Variants in PCDH17 observed in about 807,000 individuals in gnomAD.
PCDH17 encodes protocadherin-17.
A neutral mutation model predicts 67.7 loss-of-function variants in PCDH17; 21 were observed. That is an observed-to-expected ratio of 0.31 (90% CI 0.22 to 0.45). PCDH17 has a LOEUF of 0.45. PCDH17 is among the 20% of genes least tolerant of loss of function. The pLI, the probability that PCDH17 is intolerant of heterozygous loss-of-function variation, is 1.00. For missense variants in PCDH17, 1,471 were observed against 1,564.8 expected (o/e 0.94, Z 1.01); for synonymous variants, 701 against 656.7 (o/e 1.07, Z -1.03).
Position 57,689,107 on chromosome 13 carries a change from GATA to G in PCDH17, c.2797+22277_2797+22279del, listed in dbSNP as rs147985270. Reference sequence around the variant, plus strand: ...TGCTGTTGCTGATGATAAAGATGATGATAATGTGTTAATTAAAAATATTTCTGA... The same window carrying G: ...TGCTGTTGCTGATGATAAAGATGATGATGTGTTAATTAAAAATATTTCTGA... On this transcript the variant is annotated intron_variant, in intron 3 of 3. Transcript: ENST00000377918. 6.0e-4 allele frequency among the ~76,000 whole-genome samples: 92 copies of G among 152,140 alleles called. 1 individual carries two copies. In the East Asian group the frequency reaches 0.017, roughly 28 times the overall value.
At chr13:57,706,414 T>TGC (rs1955721912) in intron 3 of PCDH17, among the ~76,000 whole-genome samples, 1 of 152,204 alleles carries the variant, frequency 6.6e-6, no homozygotes, top group Non-Finnish European at 1.5e-5. Context: ...CAGCAGTGTT[T>TGC]TTATTGCTAT....
At chr13:57,640,893 C>G (rs563842300) in intron 1 of PCDH17, among the ~76,000 whole-genome samples, 1 of 151,962 alleles carries the variant, frequency 6.6e-6, no homozygotes, top group Non-Finnish European at 1.5e-5. Context: ...CAAATGCACC[C>G]GCTAATTACA....
At chr13:57,677,741 A>G (rs1955408288) in intron 3 of PCDH17, among the ~76,000 whole-genome samples, 1 of 151,846 alleles carries the variant, frequency 6.6e-6, no homozygotes, top group Non-Finnish European at 1.5e-5. Flanking sequence ...CCTGATTTCC[A>G]TGAGAGGAGT....
At chr13:57,687,412 G>A (rs1038411112) in intron 3 of PCDH17, among the ~76,000 whole-genome samples, 1 of 151,914 alleles carries the variant, frequency 6.6e-6, no homozygotes, top group African/African-American at 2.4e-5. Context: ...TTTTGTAGGT[G>A]TTTTGATGTG....
intron 3 of PCDH17, among the ~76,000 whole-genome samples, chr13:57,667,473 C>G (rs1392099948): frequency 3.3e-5 from 5 of 151,632 alleles, no homozygotes; most frequent in Non-Finnish European, 5.9e-5. Flanking sequence ...TTTGTTGTTT[C>G]AAATACAATA....
At chr13:57,687,752 T>C (rs1290234255) in intron 3 of PCDH17, among the ~76,000 whole-genome samples, 1 of 152,038 alleles carries the variant, frequency 6.6e-6, no homozygotes, top group Non-Finnish European at 1.5e-5. Flanking sequence ...AAAGGAATAA[T>C]GAAAGTTTTG....
At chr13:57,700,881 A>T (rs1463922889) in intron 3 of PCDH17, among the ~76,000 whole-genome samples, 2 of 152,080 alleles carry the variant, frequency 1.3e-5, no homozygotes, top group Non-Finnish European at 2.9e-5. Flanking sequence ...GATGTGTTTT[A>T]AGCCAGGCCT....
chr13:57,630,986 AGCCCCTGGCTGGACCG>A (rs1954711897), upstream of PCDH17, among the ~76,000 whole-genome samples: 1 of 151,960 alleles, frequency 6.6e-6, no homozygotes, highest in Non-Finnish European at 1.5e-5. Flanking sequence ...CCGGGGTAGG[AGCCCCTGGCTGGACCG>A]CCGCGGCCGC....
intron 3 of PCDH17, among the ~76,000 whole-genome samples, chr13:57,673,664 G>A (rs368035026): frequency 6.6e-6 from 1 of 151,954 alleles, no homozygotes; most frequent in East Asian, 2.0e-4. Flanking sequence ...GGGACAGGAA[G>A]AAACTGTTGA....
At chr13:57,695,326 C>G (rs761781590) in intron 3 of PCDH17, among the ~76,000 whole-genome samples, 1 of 150,958 alleles carries the variant, frequency 6.6e-6, no homozygotes, top group South Asian at 2.1e-4. Flanking sequence ...TTTCATTTAG[C>G]AATTTTAGCA....
intron 3 of PCDH17, among the ~76,000 whole-genome samples, chr13:57,715,857 C>T (rs1214091586): frequency 6.6e-6 from 1 of 151,498 alleles, no homozygotes; most frequent in Non-Finnish European, 1.5e-5. Flanking sequence ...TTAATGATAA[C>T]AGAAAATTAG....
At chr13:57,692,186 A>C (rs1233062152) in intron 3 of PCDH17, among the ~76,000 whole-genome samples, 1 of 151,172 alleles carries the variant, frequency 6.6e-6, no homozygotes, top group Non-Finnish European at 1.5e-5. Flanking sequence ...TAACAGTTCT[A>C]CGCTTATTAT....
chr13:57,678,900 T>C (rs1435225029), intron 3 of PCDH17, among the ~76,000 whole-genome samples: 1 of 151,556 alleles, frequency 6.6e-6, no homozygotes, highest in Non-Finnish European at 1.5e-5. Flanking sequence ...TTCTTGAAAC[T>C]GTATGCTTTC....
chr13:57,706,705 G>T (rs762728669), intron 3 of PCDH17, among the ~76,000 whole-genome samples: 5 of 152,100 alleles, frequency 3.3e-5, no homozygotes, highest in Non-Finnish European at 7.4e-5. Context: ...GTGTTGACAG[G>T]ATGAGCAATA....
At chr13:57,650,218 TTGTGTG>T (rs67398023) in intron 1 of PCDH17, among the ~76,000 whole-genome samples, 13,185 of 137,494 alleles carry the variant, frequency 0.096, 725 homozygotes, top group Admixed American at 0.14. Flanking sequence ...GGACCCTTGA[TTGTGTG>T]TGTGTGTGTG....
intron 3 of PCDH17, among the ~76,000 whole-genome samples, chr13:57,721,581 C>A (rs1255834504): frequency 1.3e-5 from 2 of 152,090 alleles, no homozygotes; most frequent in Non-Finnish European, 1.5e-5. Context: ...ATTGAGGGCA[C>A]TTAAAAATGT....
intron 3 of PCDH17, among the ~76,000 whole-genome samples, chr13:57,716,677 G>GT (rs773752160): frequency 2.0e-5 from 3 of 151,742 alleles, no homozygotes; most frequent in Non-Finnish European, 4.4e-5. Context: ...CCATATGCTG[G>GT]TTTCACTCTA....
At chr13:57,653,675 C>T (rs1034673101) in intron 1 of PCDH17, among the ~76,000 whole-genome samples, 1 of 151,886 alleles carries the variant, frequency 6.6e-6, no homozygotes, top group Non-Finnish European at 1.5e-5. Flanking sequence ...AGGAAGTATG[C>T]GATACAAAGG....
chr13:57,700,993 T>C (rs1318185545), intron 3 of PCDH17, among the ~76,000 whole-genome samples: 1 of 152,024 alleles, frequency 6.6e-6, no homozygotes, highest in African/African-American at 2.4e-5. Flanking sequence ...GAAAACCCCA[T>C]CTCAGTAACA....
Sources: gnomAD v4.1 joint callset for allele counts (sites outside exome capture counted in the v4.1 genomes callset) on GRCh38, gnomAD v4.1.1 for gene constraint, MANE v1.5 for transcripts, NCBI Gene and HGNC (gene_info 2026-07-23, HGNC 2026-07-21) for gene names.